PTPRO: variants seen among roughly 807,000 people sequenced by gnomAD.
PTPRO encodes the protein receptor-type tyrosine-protein phosphatase O.
Under a neutral mutation model 145.2 loss-of-function variants are expected in PTPRO, and 62 were observed. The observed-to-expected ratio is 0.43, with a 90% CI of 0.35 to 0.53. The LOEUF (loss-of-function observed/expected upper bound fraction) is 0.53, where lower values mean the gene tolerates loss of function less well. Among genes scored for constraint, PTPRO ranks in the 20% least tolerant of loss-of-function variants. The pLI, the probability that PTPRO is intolerant of heterozygous loss-of-function variation, is 0.01. For missense variants in PTPRO, 1,345 were observed against 1,482.7 expected (o/e 0.91, Z 1.53); for synonymous variants, 565 against 514.7 (o/e 1.10, Z -1.32).
chr12:15,579,054 C>G, intron 20 of PTPRO, 111 bp downstream of exon 20: 4 of 870,542 alleles, frequency 4.6e-6, no homozygotes, highest in Admixed American at 1.9e-5. Context: ...TGGTCCGGAT[C>G]TCAAGGCCAC....
chr12:15,560,105 G>A (rs1943732554), intron 16 of PTPRO, 88 bp from the exon 17 acceptor site: 1 of 906,130 alleles, frequency 1.1e-6, no homozygotes, highest in African/African-American at 1.6e-5. Flanking sequence ...AATCCCAATA[G>A]GTAATTTACT....
intron 1 of PTPRO, among the ~76,000 whole-genome samples, chr12:15,451,276 G>C (rs1306511450): frequency 3.3e-5 from 5 of 151,828 alleles, no homozygotes; most frequent in African/African-American, 1.2e-4. Context: ...TGTTCCACAG[G>C]AAAGTATCAC....
intron 4 of PTPRO, 43 bp from the exon 5 acceptor site, chr12:15,501,572 CTAATT>C: frequency 1.3e-6 from 2 of 1,514,206 alleles, no homozygotes; most frequent in Non-Finnish European, 1.8e-6. Flanking sequence ...AGTATTCACT[CTAATT>C]GAATTAAAAA....
At chr12:15,512,853 G>A (rs910187980) in intron 7 of PTPRO, among the ~76,000 whole-genome samples, 14 of 151,848 alleles carry the variant, frequency 9.2e-5, no homozygotes, top group Admixed American at 4.6e-4. Flanking sequence ...AATAAGCTGA[G>A]CATGATGGCA....
intron 1 of PTPRO, among the ~76,000 whole-genome samples, chr12:15,441,997 T>C (rs955924723): frequency 6.6e-6 from 1 of 152,094 alleles, no homozygotes; most frequent in African/African-American, 2.4e-5. Context: ...TAACACATTC[T>C]ACAAAGCCAG....
chr12:15,473,850 T>C (rs914431003), intron 1 of PTPRO, among the ~76,000 whole-genome samples: 1 of 151,804 alleles, frequency 6.6e-6, no homozygotes, highest in Non-Finnish European at 1.5e-5. Context: ...AACTAGTATT[T>C]ATTGAGTTCA....
chr12:15,591,156 G>A (rs1459435246), intron 25 of PTPRO, among the ~76,000 whole-genome samples: 1 of 151,992 alleles, frequency 6.6e-6, no homozygotes, highest in Non-Finnish European at 1.5e-5. Context: ...ATCACCTGAG[G>A]TCAGAAGTTG....
chr12:15,515,953 GT>G (rs887019648), intron 8 of PTPRO, among the ~76,000 whole-genome samples: 69 of 104,480 alleles, frequency 6.6e-4, no homozygotes, highest in African/African-American at 2.2e-3. Flanking sequence ...GAAGTTGTTT[GT>G]TTTTTTTGTT....
chr12:15,583,007 A>G (rs1217907455), intron 23 of PTPRO, among the ~76,000 whole-genome samples: 1 of 152,210 alleles, frequency 6.6e-6, no homozygotes, highest in Admixed American at 6.5e-5. Context: ...CTCCACTTGA[A>G]CATGCTGTCT....
chr12:15,552,013 A>C (rs1943474993), intron 15 of PTPRO, among the ~76,000 whole-genome samples: 1 of 129,882 alleles, frequency 7.7e-6, no homozygotes, highest in Admixed American at 9.4e-5. Context: ...CAGTATAGTT[A>C]ATGAAAAAAG....
intron 1 of PTPRO, among the ~76,000 whole-genome samples, chr12:15,396,350 A>G (rs1360078872): frequency 6.6e-6 from 1 of 152,174 alleles, no homozygotes; most frequent in Non-Finnish European, 1.5e-5. Flanking sequence ...ATTTTCTTTT[A>G]AATGTTGGAA....
intron 10 of PTPRO, among the ~76,000 whole-genome samples, chr12:15,524,556 G>A (rs1013604224): frequency 1.3e-5 from 2 of 152,096 alleles, no homozygotes; most frequent in Non-Finnish European, 2.9e-5. Flanking sequence ...TTATCCAAAA[G>A]ACTTTGATAT....
chr12:15,570,342 CTTT>C (rs1174374160), intron 19 of PTPRO, among the ~76,000 whole-genome samples: 4 of 151,640 alleles, frequency 2.6e-5, no homozygotes, highest in Non-Finnish European at 5.9e-5. Context: ...TTTATAAAGC[CTTT>C]TAAGTGCTCT....
At chr12:15,328,324 G>A (rs553470284) in intron 1 of PTPRO, among the ~76,000 whole-genome samples, 143 of 152,112 alleles carry the variant, frequency 9.4e-4, no homozygotes, top group African/African-American at 1.5e-3. Context: ...CCAGAAAAGC[G>A]TTCGCAAGTC....
chr12:15,438,182 A>G (rs1181021243), intron 1 of PTPRO, among the ~76,000 whole-genome samples: 1 of 152,204 alleles, frequency 6.6e-6, no homozygotes, highest in African/African-American at 2.4e-5. Flanking sequence ...TAGTAATGAC[A>G]TTATAAGGAA....
At chr12:15,541,926 G>T (rs371634840) in intron 12 of PTPRO, among the ~76,000 whole-genome samples, 1 of 152,010 alleles carries the variant, frequency 6.6e-6, no homozygotes, top group South Asian at 2.1e-4. Context: ...TGGGAGGATC[G>T]CTTGAATCTG....
intron 9 of PTPRO, 153 bp downstream of exon 9, chr12:15,517,109 A>G (rs1942616258): frequency 5.1e-6 from 4 of 789,682 alleles, no homozygotes; most frequent in Non-Finnish European, 6.4e-6. Flanking sequence ...ATAAAGAAAT[A>G]GCCAAGACTG....
intron 1 of PTPRO, among the ~76,000 whole-genome samples, chr12:15,356,918 G>T (rs1198631170): frequency 6.6e-6 from 1 of 152,110 alleles, no homozygotes; most frequent in Non-Finnish European, 1.5e-5. Flanking sequence ...GGAGGCTTAA[G>T]GGGTCACGGT....
intron 1 of PTPRO, among the ~76,000 whole-genome samples, chr12:15,350,237 G>A (rs73308736): frequency 6.6e-6 from 1 of 151,998 alleles, no homozygotes; most frequent in Non-Finnish European, 1.5e-5. Context: ...TAACACCAAC[G>A]CTGACTACCA....
Sources: allele counts gnomAD v4.1 joint callset (sites outside exome capture counted in the v4.1 genomes callset), GRCh38; gene constraint gnomAD v4.1.1; transcripts MANE v1.5; gene names NCBI Gene and HGNC (gene_info 2026-07-23, HGNC 2026-07-21).